The following RCAN2 variants were observed in gnomAD, a reference collection of about 807,000 sequenced individuals.
RCAN2 encodes calcipressin-2.
Under a neutral mutation model 23.6 loss-of-function variants are expected in RCAN2, and 9 were observed. That is an observed-to-expected ratio of 0.38 (90% CI 0.23 to 0.67). The LOEUF is 0.67. RCAN2 is among the 30% of genes least tolerant of loss of function. The pLI is 0.51. For synonymous variants in RCAN2, 109 were observed against 115.7 expected (o/e 0.94, Z 0.37); for missense variants, 273 against 302.3 (o/e 0.90, Z 0.72).
intron 2 of RCAN2, among the ~76,000 whole-genome samples, chr6:46,341,298 AG>A (rs200647360): frequency 0.014 from 2,208 of 152,282 alleles, 57 homozygotes; most frequent in African/African-American, 0.049. Context: ...CCTTAAAAGC[AG>A]GGGGGTCAAA....
intron 2 of RCAN2, among the ~76,000 whole-genome samples, chr6:46,267,839 T>C (rs1178492599): frequency 6.6e-6 from 1 of 152,170 alleles, no homozygotes; most frequent in South Asian, 2.1e-4. Flanking sequence ...ATCTGTCATC[T>C]GTCTTAAGAA....
chr6:46,244,618 G>A (rs1766447118), intron 4 of RCAN2, among the ~76,000 whole-genome samples: 1 of 152,240 alleles, frequency 6.6e-6, no homozygotes, highest in Admixed American at 6.5e-5. Context: ...CAGCTGGGGT[G>A]TGATGGTTAG....
intron 2 of RCAN2, among the ~76,000 whole-genome samples, chr6:46,339,731 C>T (rs574939341): frequency 2.6e-5 from 4 of 152,056 alleles, no homozygotes; most frequent in East Asian, 1.9e-4. Context: ...AATATGTGGC[C>T]GAGGGATCTT....
intron 2 of RCAN2, among the ~76,000 whole-genome samples, chr6:46,309,286 A>T (rs1763178011): frequency 6.6e-6 from 1 of 152,214 alleles, no homozygotes; most frequent in South Asian, 2.1e-4. Flanking sequence ...CATTTTGCTA[A>T]TAAGGGCCAT....
At chr6:46,314,410 TACTAG>T (rs1763364975) in intron 2 of RCAN2, among the ~76,000 whole-genome samples, 1 of 150,710 alleles carries the variant, frequency 6.6e-6, no homozygotes, top group African/African-American at 2.4e-5. Flanking sequence ...AAAAGATGTT[TACTAG>T]TTTTATGATA....
intron 2 of RCAN2, among the ~76,000 whole-genome samples, chr6:46,283,014 G>A (rs1305223737): frequency 6.6e-6 from 1 of 152,174 alleles, no homozygotes; most frequent in Non-Finnish European, 1.5e-5. Flanking sequence ...TTTCTGCATG[G>A]AAACTGCCTG....
chr6:46,440,193 T>G (rs1490379561), intron 2 of RCAN2, among the ~76,000 whole-genome samples: 1 of 152,184 alleles, frequency 6.6e-6, no homozygotes, highest in Non-Finnish European at 1.5e-5. Context: ...GTTCATTTCC[T>G]CACAAATGAA....
chr6:46,301,830 G>C (rs1257139397), intron 2 of RCAN2, among the ~76,000 whole-genome samples: 1 of 152,004 alleles, frequency 6.6e-6, no homozygotes, highest in Admixed American at 6.6e-5. Context: ...TAACGAATAA[G>C]GGAGTGAGCA....
At chr6:46,308,037 G>A (rs927030809) in intron 2 of RCAN2, among the ~76,000 whole-genome samples, 2 of 152,126 alleles carry the variant, frequency 1.3e-5, no homozygotes, top group Non-Finnish European at 2.9e-5. Context: ...CAGGCATCAG[G>A]GCAAAGATGC....
chr6:46,392,422 T>C (rs1765963679), intron 2 of RCAN2, among the ~76,000 whole-genome samples: 1 of 152,240 alleles, frequency 6.6e-6, no homozygotes, highest in South Asian at 2.1e-4. Context: ...GGATGTCTGC[T>C]GCTTGCAAAA....
intron 2 of RCAN2, among the ~76,000 whole-genome samples, chr6:46,365,535 A>G (rs1484360717): frequency 6.6e-6 from 1 of 152,128 alleles, no homozygotes; most frequent in African/African-American, 2.4e-5. Flanking sequence ...AAAAAAAGAG[A>G]AATTGTCTTC....
intron 2 of RCAN2, among the ~76,000 whole-genome samples, chr6:46,270,043 G>A (rs1324853159): frequency 2.0e-5 from 3 of 152,132 alleles, no homozygotes; most frequent in Non-Finnish European, 4.4e-5. Context: ...TAGAGGTAGC[G>A]AATGATTGCT....
intron 2 of RCAN2, among the ~76,000 whole-genome samples, chr6:46,369,273 C>T (rs1765261905): frequency 6.6e-6 from 1 of 152,040 alleles, no homozygotes; most frequent in Non-Finnish European, 1.5e-5. Context: ...CCTGAAGGAC[C>T]TGCCTGAGGC....
intron 2 of RCAN2, among the ~76,000 whole-genome samples, chr6:46,446,474 G>T (rs1163792408): frequency 6.6e-6 from 1 of 152,076 alleles, no homozygotes; most frequent in East Asian, 1.9e-4. Flanking sequence ...TAAATGAAAA[G>T]GAGGATGCTA....
intron 4 of RCAN2, among the ~76,000 whole-genome samples, chr6:46,228,563 T>G (rs1765761900): frequency 6.6e-6 from 1 of 152,204 alleles, no homozygotes; most frequent in African/African-American, 2.4e-5. Context: ...TTTGTTGGTT[T>G]AAAGTCTGTT....
chr6:46,259,596 C>G lies in RCAN2; in HGVS notation c.226-10700G>C, dbSNP rs1005453934. ...GGAGTTTTTCTCACAGCAAGCAATT[C>G]TCCAGTTCTCTGTAGACACCCACTG... On this transcript the variant is annotated intron_variant, in intron 2 of 4. Coordinates refer to ENST00000371374, the MANE Select transcript of RCAN2 (RefSeq NM_001251974.2). Among the ~76,000 whole-genome samples, 11 of 152,322 alleles carry G rather than the reference C, an allele frequency of 7.2e-5. No homozygotes were observed. The East Asian group carries it at 2.1e-3, about 29-fold the overall frequency.
chr6:46,343,153 G>T (rs1764380031), intron 2 of RCAN2, among the ~76,000 whole-genome samples: 1 of 151,950 alleles, frequency 6.6e-6, no homozygotes, highest in South Asian at 2.1e-4. Context: ...AGAAGAAAAA[G>T]ACATTATATA....
At chr6:46,304,215 A>G (rs1190812562) in intron 2 of RCAN2, among the ~76,000 whole-genome samples, 1 of 151,984 alleles carries the variant, frequency 6.6e-6, no homozygotes, top group Admixed American at 6.6e-5. Flanking sequence ...CCATTTGGAT[A>G]TCTTCTCTTT....
chr6:46,437,267 G>C (rs1443080672), intron 2 of RCAN2, among the ~76,000 whole-genome samples: 1 of 152,126 alleles, frequency 6.6e-6, no homozygotes, highest in African/African-American at 2.4e-5. Flanking sequence ...TTCCAATACA[G>C]TTTACAGTTT....
Sources: gnomAD v4.1 joint callset for allele counts (sites outside exome capture counted in the v4.1 genomes callset) on GRCh38, gnomAD v4.1.1 for gene constraint, MANE v1.5 for transcripts, NCBI Gene and HGNC (gene_info 2026-07-23, HGNC 2026-07-21) for gene names.